Variants in RBMS3 observed in about 807,000 individuals in gnomAD.
RBMS3 encodes RNA binding motif single stranded interacting protein 3.
Under a neutral mutation model 66.8 loss-of-function variants are expected in RBMS3, and 27 were observed. The observed-to-expected ratio is 0.40, with a 90% confidence interval of 0.30 to 0.56. The LOEUF is 0.56. RBMS3 is among the 20% of genes least tolerant of loss of function. The pLI, the probability that RBMS3 is intolerant of heterozygous loss-of-function variation, is 0.40. For synonymous variants in RBMS3, 188 were observed against 183.0 expected (o/e 1.03, Z -0.22); for missense variants, 513 against 549.5 (o/e 0.93, Z 0.66).
intron 6 of RBMS3, among the ~76,000 whole-genome samples, chr3:29,794,455 G>C (rs536448179): frequency 6.6e-6 from 1 of 152,088 alleles, no homozygotes; most frequent in South Asian, 2.1e-4. Flanking sequence ...GCATGGTGGC[G>C]GGCGCCTGTA....
chr3:29,478,248 A>T (rs1259655610), intron 2 of RBMS3, among the ~76,000 whole-genome samples: 1 of 152,202 alleles, frequency 6.6e-6, no homozygotes, highest in Non-Finnish European at 1.5e-5. Context: ...AAAATGCTAC[A>T]AACCTGGTGG....
chr3:29,386,242 G>A (rs889258044), intron 1 of RBMS3, among the ~76,000 whole-genome samples: 4 of 151,830 alleles, frequency 2.6e-5, no homozygotes, highest in Non-Finnish European at 4.4e-5. Flanking sequence ...CCTTAAGTGG[G>A]TTCTCGGTGC....
chr3:29,963,794 T>A (rs1696637772), intron 12 of RBMS3, among the ~76,000 whole-genome samples: 1 of 138,566 alleles, frequency 7.2e-6, no homozygotes, highest in African/African-American at 2.8e-5. Context: ...ACCACCGTAC[T>A]CCAGGCTAGG....
At chr3:29,883,511 G>C (rs1021871726) in intron 7 of RBMS3, among the ~76,000 whole-genome samples, 5 of 152,024 alleles carry the variant, frequency 3.3e-5, no homozygotes, top group Admixed American at 1.3e-4. Flanking sequence ...ACTATATCCA[G>C]TTATAGAGAA....
intron 1 of RBMS3, among the ~76,000 whole-genome samples, chr3:29,367,215 CATT>C (rs1474539588): frequency 6.6e-6 from 1 of 151,952 alleles, no homozygotes; most frequent in Non-Finnish European, 1.5e-5. Flanking sequence ...TTCATTTCAT[CATT>C]AATTGTAATA....
At chr3:29,373,201 T>C (rs1226023407) in intron 1 of RBMS3, among the ~76,000 whole-genome samples, 2 of 152,200 alleles carry the variant, frequency 1.3e-5, no homozygotes, top group African/African-American at 4.8e-5. Flanking sequence ...GAATTCCTTC[T>C]GTCCATTTGC....
rs781590319 is a variant in RBMS3 at position 29,936,106 on chromosome 3, C to T, written c.960C>T (p.Thr320=). Residue 320 remains threonine (T), a synonymous_variant, in exon 11 of 15, where the codon ACC becomes ACT. Transcript: ENST00000383767. ...MQPTGAVITP[T]MDHPMSMQPA... ...TGTAGGGTGCTGTGATTACACCAAC[C>T]ATGGACCATCCCATGTCAATGCAGC... The T allele has an allele frequency of 1.9e-6, 3 of 1,613,148 alleles. No individual in the cohort carries two copies. The highest frequency in any genetic ancestry group is 3.3e-5 in the Admixed American group (2 of 59,878).
At chr3:29,394,603 A>G (rs1162487327) in intron 1 of RBMS3, among the ~76,000 whole-genome samples, 1 of 152,206 alleles carries the variant, frequency 6.6e-6, no homozygotes, top group South Asian at 2.1e-4. Context: ...TTATAAAAGT[A>G]TTAATTTGGG....
At chr3:29,849,349 A>G (rs1400581953) in intron 6 of RBMS3, among the ~76,000 whole-genome samples, 1 of 151,926 alleles carries the variant, frequency 6.6e-6, no homozygotes, top group Non-Finnish European at 1.5e-5. Context: ...CCCCATCTCT[A>G]CTAAAAATAT....
At chr3:29,452,943 G>A (rs1047073984) in intron 2 of RBMS3, among the ~76,000 whole-genome samples, 9 of 152,132 alleles carry the variant, frequency 5.9e-5, no homozygotes, top group African/African-American at 2.2e-4. Context: ...AGTTTACATA[G>A]CCTGAAAATG....
intron 4 of RBMS3, among the ~76,000 whole-genome samples, chr3:29,670,974 A>G (rs2050974840): frequency 6.6e-6 from 1 of 152,216 alleles, no homozygotes; most frequent in Non-Finnish European, 1.5e-5. Context: ...CTGACCCCCA[A>G]GTAGCCTAAC....
chr3:29,655,938 T>G (rs2050310315), intron 4 of RBMS3, among the ~76,000 whole-genome samples: 1 of 89,950 alleles, frequency 1.1e-5, no homozygotes, highest in Non-Finnish European at 2.5e-5. Context: ...CAAAACAGCT[T>G]AAAAAGCAAA....
At chr3:29,932,745 T>G (rs183656198) in intron 10 of RBMS3, among the ~76,000 whole-genome samples, 2 of 152,336 alleles carry the variant, frequency 1.3e-5, no homozygotes, top group Admixed American at 1.3e-4. Context: ...ACTTCAAATT[T>G]CTTTCAAACA....
rs1171456037 is a variant in RBMS3 at position 29,546,676 on chromosome 3, G to T, written c.308-40438G>T. On this transcript the variant is annotated intron_variant, in intron 3 of 14. Transcript: ENST00000383767. ...GCTAGTAGCACAGTGGGGATGCCTT[G>T]CAAGTGTAAGTTTTGCTAGTCTATG... 5.9e-5 allele frequency among the ~76,000 whole-genome samples: 9 copies of T among 152,288 alleles called. No homozygotes were observed. The East Asian group carries it at 1.4e-3, about 23-fold the overall frequency.
In RBMS3 at chr3:29,432,961, A is replaced by G. The variant is rs367936563; in HGVS notation, c.76-1782A>G. Among the ~76,000 whole-genome samples, 28 of 152,298 alleles carry G rather than the reference A, an allele frequency of 1.8e-4. No individual in the cohort carries two copies. In the East Asian group the frequency reaches 3.5e-3, roughly 19 times the overall value. ...GAAGCCACTGCAGGATTCTACATAC[A>G]AAGTTTAGCTGTCTGTGATTAAGGC... On this transcript the variant is annotated intron_variant, in intron 1 of 14. Transcript: ENST00000383767.
Position 29,744,809 on chromosome 3 carries a change from T to C in RBMS3, c.557+4932T>C, listed in dbSNP as rs145509525. ...GGAAAAAAAAAAAAAAAAGTGCTTATTTAATTGGGAGAATACCTAGCCAAT... is the reference window on the plus strand; with the variant it reads ...GGAAAAAAAAAAAAAAAAGTGCTTACTTAATTGGGAGAATACCTAGCCAAT... On this transcript the variant is annotated intron_variant, in intron 5 of 14. Coordinates refer to ENST00000383767, the MANE Select transcript of RBMS3 (RefSeq NM_001003793.3). Among the ~76,000 whole-genome samples the C allele has an allele frequency of 8.6e-3, 1,300 of 151,952 alleles. 24 individuals are homozygous for C. Among genetic ancestry groups the C allele is most frequent in the African/African-American group, 0.029 (1,216 of 41,376 alleles).
chr3:29,580,402 G>A lies in RBMS3; in HGVS notation c.308-6712G>A, dbSNP rs3773094. ...GAATATGGATAATTTTACCATCATG[G>A]CACTTACTGAATGGAACCTGGCTCA... On this transcript the variant is annotated intron_variant, in intron 3 of 14. Coordinates refer to ENST00000383767, the MANE Select transcript of RBMS3 (RefSeq NM_001003793.3). Among the ~76,000 whole-genome samples the A allele has an allele frequency of 1.7e-3, 266 of 152,100 alleles. 9 individuals are homozygous for A. The East Asian group carries it at 0.036, about 20-fold the overall frequency.
intron 6 of RBMS3, among the ~76,000 whole-genome samples, chr3:29,790,787 A>G (rs932216997): frequency 2.6e-5 from 4 of 152,186 alleles, no homozygotes; most frequent in Admixed American, 1.3e-4. Flanking sequence ...AAATGCTGAG[A>G]TTTTTAAAGT....
At chr3:29,964,831 T>G (rs1403254193) in intron 12 of RBMS3, among the ~76,000 whole-genome samples, 1 of 152,158 alleles carries the variant, frequency 6.6e-6, no homozygotes, top group Non-Finnish European at 1.5e-5. Context: ...CCTAGCAGTA[T>G]ACACTGCACC....
Sources: gnomAD v4.1 joint callset for allele counts (sites outside exome capture counted in the v4.1 genomes callset) on GRCh38, gnomAD v4.1.1 for gene constraint, MANE v1.5 for transcripts, NCBI Gene and HGNC (gene_info 2026-07-23, HGNC 2026-07-21) for gene names.